HLCS: variants seen among roughly 807,000 people sequenced by gnomAD.
The protein encoded by HLCS is holocarboxylase synthetase.
A neutral mutation model predicts 75.0 loss-of-function variants in HLCS; 53 were observed. That is an observed-to-expected ratio of 0.71 (90% CI 0.57 to 0.89). The LOEUF (loss-of-function observed/expected upper bound fraction) is 0.89. HLCS is among the 40% of genes least tolerant of loss of function. HLCS has a pLI of 0.00. For synonymous variants in HLCS, 431 were observed against 428.6 expected (o/e 1.01, Z -0.07); for missense variants, 966 against 1,074.0 (o/e 0.90, Z 1.41).
intron 6 of HLCS, among the ~76,000 whole-genome samples, chr21:36,817,356 C>T (rs2061693075): frequency 6.6e-6 from 1 of 152,176 alleles, no homozygotes; most frequent in Non-Finnish European, 1.5e-5. Flanking sequence ...CTGCATTCAC[C>T]TTAATTTGAT....
At chr21:36,834,047 C>T (rs528497035) in intron 6 of HLCS, among the ~76,000 whole-genome samples, 141 of 152,324 alleles carry the variant, frequency 9.3e-4, no homozygotes, top group African/African-American at 3.4e-3. Flanking sequence ...GACGCAAAAC[C>T]TGTAATGTAC....
intron 1 of HLCS, among the ~76,000 whole-genome samples, chr21:36,982,712 C>T (rs1295226970): frequency 6.6e-6 from 1 of 152,136 alleles, no homozygotes; most frequent in East Asian, 1.9e-4. Flanking sequence ...AATCCTAGGA[C>T]AATGCCAGGG....
chr21:36,875,171 T>C (rs2063920574), intron 6 of HLCS, among the ~76,000 whole-genome samples: 1 of 151,322 alleles, frequency 6.6e-6, no homozygotes, highest in Admixed American at 6.6e-5. Context: ...GGACAGCATG[T>C]TGATGGCAGC....
intron 2 of HLCS, among the ~76,000 whole-genome samples, chr21:36,954,662 G>T (rs2067841042): frequency 6.6e-6 from 1 of 152,094 alleles, no homozygotes; most frequent in African/African-American, 2.4e-5. Flanking sequence ...ACAGTACACA[G>T]TACCTGATAA....
intron 5 of HLCS, among the ~76,000 whole-genome samples, chr21:36,929,066 C>T (rs1006130915): frequency 3.3e-5 from 5 of 152,220 alleles, no homozygotes; most frequent in African/African-American, 1.2e-4. Context: ...TATACTCATC[C>T]TAAATACACC....
chr21:36,967,110 G>A (rs2068642368), upstream of HLCS, among the ~76,000 whole-genome samples: 1 of 152,194 alleles, frequency 6.6e-6, no homozygotes, highest in South Asian at 2.1e-4. Flanking sequence ...AGGGGTGGGA[G>A]GCGGATTGAG....
At chr21:36,906,193 C>T (rs1275052922) in intron 5 of HLCS, among the ~76,000 whole-genome samples, 1 of 151,868 alleles carries the variant, frequency 6.6e-6, no homozygotes, top group East Asian at 1.9e-4. Context: ...AAAATATGTG[C>T]CAGACCTGTT....
chr21:36,913,175 C>T (rs1267083366), intron 5 of HLCS, among the ~76,000 whole-genome samples: 1 of 152,110 alleles, frequency 6.6e-6, no homozygotes, highest in African/African-American at 2.4e-5. Context: ...ACCACACAGG[C>T]AGTATACCGC....
At chr21:36,880,537 A>G (rs1397112560) in intron 6 of HLCS, among the ~76,000 whole-genome samples, 1 of 152,174 alleles carries the variant, frequency 6.6e-6, no homozygotes, top group Non-Finnish European at 1.5e-5. Context: ...GTTTCCATTT[A>G]TAAAAGAGAA....
At chr21:36,982,741 C>T (rs1011518680) in intron 1 of HLCS, among the ~76,000 whole-genome samples, 4 of 152,146 alleles carry the variant, frequency 2.6e-5, no homozygotes, top group Admixed American at 2.0e-4. Flanking sequence ...AACTTAAAAA[C>T]TCTGGCAGGC....
At chr21:36,783,149 G>A (rs12627519) in intron 6 of HLCS, among the ~76,000 whole-genome samples, 12,969 of 152,210 alleles carry the variant, frequency 0.085, 601 homozygotes, top group Middle Eastern at 0.11. Context: ...CAAGGTCACA[G>A]AGGCAAAGCT....
intron 6 of HLCS, among the ~76,000 whole-genome samples, chr21:36,819,508 C>G (rs1253926968): frequency 6.6e-6 from 1 of 152,204 alleles, no homozygotes; most frequent in Non-Finnish European, 1.5e-5. Flanking sequence ...ATCAATCCTA[C>G]TATAAACAGT....
intron 6 of HLCS, among the ~76,000 whole-genome samples, chr21:36,838,361 G>A (rs2062492754): frequency 6.6e-6 from 1 of 150,958 alleles, no homozygotes; most frequent in Admixed American, 6.6e-5. Flanking sequence ...CCCACATTCT[G>A]TAAATGTTTA....
intron 5 of HLCS, among the ~76,000 whole-genome samples, chr21:36,909,501 A>G (rs919002946): frequency 2.0e-5 from 3 of 152,224 alleles, no homozygotes; most frequent in Non-Finnish European, 2.9e-5. Context: ...AATTCACAGA[A>G]GTGACTACTC....
chr21:36,846,890 A>G (rs2835487), intron 6 of HLCS, among the ~76,000 whole-genome samples: 73,767 of 151,992 alleles, frequency 0.49, 20,895 homozygotes, highest in African/African-American at 0.79. Flanking sequence ...GTCCAACAAT[A>G]CCAGATTTAG....
At chr21:36,765,473 C>A (rs1292517373) in intron 7 of HLCS, among the ~76,000 whole-genome samples, 1 of 152,070 alleles carries the variant, frequency 6.6e-6, no homozygotes, top group Non-Finnish European at 1.5e-5. Context: ...GGTTTAATTC[C>A]CAGCATATGG....
intron 4 of HLCS, among the ~76,000 whole-genome samples, chr21:36,934,978 T>C (rs1192594596): frequency 6.6e-6 from 1 of 152,232 alleles, no homozygotes; most frequent in African/African-American, 2.4e-5. Context: ...GGCAATGCAC[T>C]GCAGTATCAA....
At chr21:36,865,699 C>T (rs1257777346) in intron 6 of HLCS, among the ~76,000 whole-genome samples, 1 of 152,196 alleles carries the variant, frequency 6.6e-6, no homozygotes, top group Admixed American at 6.5e-5. Flanking sequence ...TCTGAACATT[C>T]CACCACCAGT....
chr21:36,912,143 A>G (rs2845817), intron 5 of HLCS, among the ~76,000 whole-genome samples: 135,740 of 151,840 alleles, frequency 0.89, 60,944 homozygotes, highest in African/African-American at 0.97. Context: ...GTATAAACCC[A>G]AAAGAACTGA....
Sources: gnomAD v4.1 joint callset for allele counts (sites outside exome capture counted in the v4.1 genomes callset) on GRCh38, gnomAD v4.1.1 for gene constraint, MANE v1.5 for transcripts, NCBI Gene and HGNC (gene_info 2026-07-23, HGNC 2026-07-21) for gene names.